Variants in ABCG2 observed in about 807,000 individuals in gnomAD.
ABCG2 encodes ATP binding cassette subfamily G member 2 (JR blood group), also known as broad substrate specificity ATP-binding cassette transporter ABCG2.
A neutral mutation model predicts 73.5 loss-of-function variants in ABCG2; 80 were observed. The observed-to-expected ratio is 1.09, with a 90% confidence interval of 0.91 to 1.31. The LOEUF is 1.31. Ranked by LOEUF, ABCG2 falls within the 50% of genes most tolerant of loss-of-function variation. ABCG2 has a pLI of 0.00. For synonymous variants in ABCG2, 269 were observed against 282.4 expected (o/e 0.95, Z 0.48); for missense variants, 796 against 786.2 (o/e 1.01, Z -0.15).
At chr4:88,108,749 A>G (rs1437473176) in intron 9 of ABCG2, among the ~76,000 whole-genome samples, 3 of 152,204 alleles carry the variant, frequency 2.0e-5, no homozygotes, top group African/African-American at 4.8e-5. Context: ...TGTGATAACT[A>G]GTTTGTGAAG....
intron 1 of ABCG2, among the ~76,000 whole-genome samples, chr4:88,215,244 A>G (rs1729768919): frequency 6.6e-6 from 1 of 152,212 alleles, no homozygotes; most frequent in South Asian, 2.1e-4. Context: ...GTACTCCCCC[A>G]GGATTTAGAA....
At chr4:88,207,571 T>C (rs1285684181) in intron 1 of ABCG2, among the ~76,000 whole-genome samples, 1 of 152,122 alleles carries the variant, frequency 6.6e-6, no homozygotes, top group African/African-American at 2.4e-5. Flanking sequence ...TCAGACAGAG[T>C]CTTGCTGTGT....
At chr4:88,207,959 T>C (rs761869928) in intron 1 of ABCG2, among the ~76,000 whole-genome samples, 1 of 152,212 alleles carries the variant, frequency 6.6e-6, no homozygotes, top group Non-Finnish European at 1.5e-5. Flanking sequence ...ATAACTAAAG[T>C]TGTAAATTTA....
At chr4:88,153,619 C>G (rs34633905) in intron 1 of ABCG2, among the ~76,000 whole-genome samples, 61,040 of 150,848 alleles carry the variant, frequency 0.4, 13,461 homozygotes, top group East Asian at 0.66. Context: ...AAAGGCCGGT[C>G]CTCTATTGAA....
chr4:88,147,370 G>A (rs962687537), intron 1 of ABCG2, among the ~76,000 whole-genome samples: 1 of 152,188 alleles, frequency 6.6e-6, no homozygotes, highest in African/African-American at 2.4e-5. Flanking sequence ...GCATTAAAAC[G>A]TTCTGCAAGC....
chr4:88,098,645 GAGATAGATAGAT>G (rs55760486), intron 12 of ABCG2, among the ~76,000 whole-genome samples: 39 of 143,904 alleles, frequency 2.7e-4, no homozygotes, highest in East Asian at 8.2e-4. Flanking sequence ...GAGACAGGGA[GAGATAGATAGAT>G]AGATAGATAG....
chr4:88,097,299 T>C (rs1199124333), intron 13 of ABCG2, among the ~76,000 whole-genome samples, 154 bp downstream of exon 13: 1 of 152,204 alleles, frequency 6.6e-6, no homozygotes, highest in African/African-American at 2.4e-5. Flanking sequence ...GTTAGTATAT[T>C]CTCTAACATA....
intron 1 of ABCG2, among the ~76,000 whole-genome samples, chr4:88,185,165 C>T (rs1728401885): frequency 6.6e-6 from 1 of 152,148 alleles, no homozygotes; most frequent in East Asian, 1.9e-4. Context: ...GAATTTGATA[C>T]CAGCCTGGCC....
At chr4:88,156,267 TG>T (rs1726930857) in intron 1 of ABCG2, among the ~76,000 whole-genome samples, 1 of 146,922 alleles carries the variant, frequency 6.8e-6, no homozygotes, top group South Asian at 2.1e-4. Context: ...CCCAGCTACT[TG>T]GTAGGCTGAG....
chr4:88,135,969 A>G (rs1725219966), intron 2 of ABCG2, among the ~76,000 whole-genome samples: 1 of 152,180 alleles, frequency 6.6e-6, no homozygotes, highest in Non-Finnish European at 1.5e-5. Flanking sequence ...AGCCAATTAG[A>G]GCTAGATTTG....
intron 1 of ABCG2, among the ~76,000 whole-genome samples, chr4:88,220,127 G>A (rs1484769022): frequency 6.6e-6 from 1 of 152,072 alleles, no homozygotes; most frequent in East Asian, 1.9e-4. Flanking sequence ...TGTCTTCAAG[G>A]TTCATTCATG....
At chr4:88,092,739 T>TG (rs1721720938) in intron 15 of ABCG2, among the ~76,000 whole-genome samples, 1 of 152,220 alleles carries the variant, frequency 6.6e-6, no homozygotes, top group Non-Finnish European at 1.5e-5. Context: ...TGCTGCTCTC[T>TG]CCAAAGGGCA....
chr4:88,211,430 T>G (rs1729594980), intron 1 of ABCG2, among the ~76,000 whole-genome samples: 1 of 150,412 alleles, frequency 6.6e-6, no homozygotes, highest in Non-Finnish European at 1.5e-5. Flanking sequence ...TTTAATTTTC[T>G]TTTTGAGATG....
At chr4:88,142,536 G>C (rs1313608345) in intron 1 of ABCG2, among the ~76,000 whole-genome samples, 1 of 152,160 alleles carries the variant, frequency 6.6e-6, no homozygotes, top group Non-Finnish European at 1.5e-5. Context: ...ACAATGAATG[G>C]TAATAATTAG....
chr4:88,155,254 G>A (rs550916228), intron 1 of ABCG2, among the ~76,000 whole-genome samples: 1 of 152,290 alleles, frequency 6.6e-6, no homozygotes, highest in South Asian at 2.1e-4. Context: ...GAAAGGAGTT[G>A]TTTTGTAGAA....
At chr4:88,216,854 AC>A (rs1332968601) in intron 1 of ABCG2, among the ~76,000 whole-genome samples, 1 of 151,426 alleles carries the variant, frequency 6.6e-6, no homozygotes, top group African/African-American at 2.4e-5. Flanking sequence ...AAATGGCGAA[AC>A]CCCCCTCTCT....
chr4:88,147,607 ACT>A (rs934674481), intron 1 of ABCG2, among the ~76,000 whole-genome samples: 1 of 152,174 alleles, frequency 6.6e-6, no homozygotes, highest in Non-Finnish European at 1.5e-5. Flanking sequence ...AGTTCTTCAG[ACT>A]CTGTTCTCAA....
At chr4:88,107,677 C>T (rs1163946592) in intron 9 of ABCG2, among the ~76,000 whole-genome samples, 1 of 152,182 alleles carries the variant, frequency 6.6e-6, no homozygotes, top group African/African-American at 2.4e-5. Context: ...AACTCTCAAC[C>T]TTTGTGCCAA....
At chr4:88,200,552 G>A (rs556133952) in intron 1 of ABCG2, among the ~76,000 whole-genome samples, 1 of 152,160 alleles carries the variant, frequency 6.6e-6, no homozygotes, top group Admixed American at 6.5e-5. Context: ...ATAAAGAAAG[G>A]AGAACATTAA....
Sources: allele counts gnomAD v4.1 joint callset (sites outside exome capture counted in the v4.1 genomes callset), GRCh38; gene constraint gnomAD v4.1.1; transcripts MANE v1.5; gene names NCBI Gene and HGNC (gene_info 2026-07-23, HGNC 2026-07-21).